The following STC1 variants were observed in gnomAD, a reference collection of about 807,000 sequenced individuals.
STC1 encodes stanniocalcin 1, also known as stanniocalcin-1.
In STC1, 7 loss-of-function variants were observed where a neutral mutation model predicts 22.6. The observed-to-expected ratio is 0.31, with a 90% confidence interval of 0.18 to 0.58. The LOEUF is 0.58. Ranked by LOEUF, STC1 falls within the 20% of genes least tolerant of loss-of-function variation. The pLI is 0.89. For missense variants in STC1, 224 were observed against 311.0 expected (o/e 0.72, Z 2.10); for synonymous variants, 113 against 120.7 (o/e 0.94, Z 0.42).
chr8:23,844,622 G>T lies in STC1; in HGVS notation c.*148C>A. 2.3e-6 allele frequency: 2 copies of T among 867,990 alleles called. No homozygotes were observed. The highest frequency in any genetic ancestry group is 3.5e-6 in the Non-Finnish European group (2 of 579,600). 53.8% of individuals were successfully genotyped at this position (867,990 alleles called of 1,614,324 possible). A position where few individuals can be genotyped will look rare whatever the true frequency, so the allele number is the denominator to read the frequency against. On this transcript the variant is annotated 3_prime_UTR_variant, in exon 4 of 4. Transcript: ENST00000290271. ...GAATGTTGGGATATTGATTACAGAA[G>T]CCTAGTTTCATGCAATTTTCTTTAA...
intron 3 of STC1, among the ~76,000 whole-genome samples, chr8:23,848,621 G>T (rs1001614086): frequency 7.3e-5 from 11 of 151,046 alleles, no homozygotes; most frequent in Middle Eastern, 6.4e-3. Flanking sequence ...AAGACTTGGT[G>T]GACTAAGTGT....
chr8:23,853,850 C>T (rs1331745026), intron 1 of STC1, among the ~76,000 whole-genome samples: 2 of 152,012 alleles, frequency 1.3e-5, no homozygotes, highest in Non-Finnish European at 1.5e-5. Context: ...AGACAGGCAG[C>T]AGGGTTGGGG....
At chr8:23,852,422 T>C (rs1263240360) in intron 1 of STC1, 38 bp from the exon 2 acceptor site, 2 of 1,555,476 alleles carry the variant, frequency 1.3e-6, no homozygotes, top group Non-Finnish European at 1.7e-6. Context: ...GGTCAAACAG[T>C]GAGGAATGGC....
rs575775695 is a variant in STC1 at position 23,854,139 on chromosome 8, T to C, written c.118+267A>G. On this transcript the variant is annotated intron_variant, in intron 1 of 3. Transcript: ENST00000290271. ...TCTCACCCCTCCCCCTCCAAGAGGG[T>C]ACGTGCCAGATTTCAGGCAATCAGG... 7.9e-6 allele frequency: 10 copies of C among 1,271,066 alleles called. No individual in the cohort carries two copies. In the African/African-American group the frequency reaches 1.3e-4, roughly 17 times the overall value. The allele number at this position is 1,271,066 out of a possible 1,614,324, so 78.7% of individuals were successfully genotyped here.
At position 23,844,830 on chromosome 8, in the gene STC1, G is replaced by A. The variant is rs1242340186; in HGVS notation, c.684C>T (p.Asn228=). 1 of 1,614,056 alleles carries A rather than the reference G, an allele frequency of 6.2e-7. No homozygotes were observed. Among genetic ancestry groups the A allele is most frequent in the South Asian group, 1.1e-5 (1 of 91,074 alleles). Residue 228 remains asparagine, a synonymous_variant, in exon 4 of 4, where the codon AAC becomes AAT. Coordinates refer to ENST00000290271, the MANE Select transcript of STC1 (RefSeq NM_003155.3). ...AGGGAGAGTCCTCCTCACCTCGGAG[G>A]TTCCTGAGGAGGACTTTCAGCTTCT... is the stretch of plus-strand genomic sequence containing the variant. The part of the protein sequence containing the change: ...EPQKLKVLLR[N]LRGEEDSPSH...
chr8:23,853,288 A>G (rs1430101484), intron 1 of STC1, among the ~76,000 whole-genome samples: 1 of 152,184 alleles, frequency 6.6e-6, no homozygotes, highest in Non-Finnish European at 1.5e-5. Flanking sequence ...TGGTTCAGTT[A>G]GTCTTCCCCA....
rs769655748 is a variant in STC1 at position 23,845,020 on chromosome 8, C to T, written c.494G>A (p.Arg165Gln). ...GTCTTCATCACATTCCAGCAGGCTTCGGACAAGTCTGTTATAGTATCTGCA... is the reference window on the plus strand; with the variant it reads ...GTCTTCATCACATTCCAGCAGGCTTTGGACAAGTCTGTTATAGTATCTGCA... Reference protein sequence around the residue: ...FSNRYYNRLVRSLLECDEDTV... With the variant: ...FSNRYYNRLVQSLLECDEDTV... The change falls in exon 4 of 4, where the codon CGA becomes CAA. Residue 165 changes from arginine (R) to glutamine (Q), a missense_variant. Coordinates refer to ENST00000290271, the MANE Select transcript of STC1 (RefSeq NM_003155.3). 67 of 1,614,082 alleles carry T rather than the reference C, an allele frequency of 4.2e-5. No homozygotes were observed. Among genetic ancestry groups the T allele is most frequent in the Non-Finnish European group, 5.3e-5 (63 of 1,180,018 alleles).
At position 23,844,832 on chromosome 8, in the gene STC1, T is replaced by G; in HGVS notation, c.682A>C (p.Asn228His). The G allele has an allele frequency of 6.2e-7, 1 of 1,614,060 alleles. No homozygotes were observed. The highest frequency in any genetic ancestry group is 2.2e-5 in the East Asian group (1 of 44,848). The change falls in exon 4 of 4, where the codon AAC (asparagine) becomes CAC (histidine). Residue 228 changes from asparagine (N) to histidine (H), a missense_variant. Transcript: ENST00000290271. ...EPQKLKVLLRNLRGEEDSPSH... is the reference protein window; with the variant it reads ...EPQKLKVLLRHLRGEEDSPSH... Reference sequence around the variant, plus strand: ...GGAGAGTCCTCCTCACCTCGGAGGTTCCTGAGGAGGACTTTCAGCTTCTGC... The same window carrying G: ...GGAGAGTCCTCCTCACCTCGGAGGTGCCTGAGGAGGACTTTCAGCTTCTGC...
intron 1 of STC1, chr8:23,854,093 A>G (rs1283949302): frequency 2.5e-6 from 3 of 1,181,886 alleles, no homozygotes; most frequent in Non-Finnish European, 3.2e-6. Flanking sequence ...AAGCATGCCA[A>G]CATTCAAGCC....
chr8:23,847,138 C>T (rs1348680949), intron 3 of STC1, among the ~76,000 whole-genome samples: 2 of 152,162 alleles, frequency 1.3e-5, no homozygotes, highest in African/African-American at 4.8e-5. Context: ...CAATCTTTCC[C>T]TAGAAAGGGA....
At chr8:23,850,441 C>T (rs1391867930) in intron 3 of STC1, among the ~76,000 whole-genome samples, 11 of 152,126 alleles carry the variant, frequency 7.2e-5, no homozygotes, top group East Asian at 1.9e-4. Context: ...TAAACTTGAC[C>T]GGTCTGCACT....
intron 1 of STC1, among the ~76,000 whole-genome samples, chr8:23,852,728 T>A (rs561860064): frequency 2.4e-4 from 37 of 152,314 alleles, no homozygotes; most frequent in African/African-American, 8.2e-4. Flanking sequence ...CAAAGGTCAT[T>A]GCTTAGCACT....
rs200490221 is a variant in STC1, at chr8:23,851,495, C to T, written c.298G>A (p.Ala100Thr). The change falls in exon 3 of 4, where the codon GCC becomes ACC. Residue 100 changes from alanine (A) to threonine (T), a missense_variant. Ala to Thr is a moderately conservative substitution (Grantham distance 58). Transcript: ENST00000290271. ...AAGACCTTGGAGGTGACCCCGTTGG[C>T]GATGCATTTTAAGCTCTCTTTGACG... ...AFVKESLKCI[A>T]NGVTSKVFLA... 672 of 1,614,052 alleles carry T rather than the reference C, an allele frequency of 4.2e-4. 1 individual carries two copies. Among genetic ancestry groups the T allele is most frequent in the South Asian group, 3.9e-3 (355 of 91,084 alleles).
At chr8:23,847,242 C>CCAGCTTTG (rs574669845) in intron 3 of STC1, among the ~76,000 whole-genome samples, 171 of 152,338 alleles carry the variant, frequency 1.1e-3, no homozygotes, top group African/African-American at 4.0e-3. Context: ...GCTTCTGCAG[C>CCAGCTTTG]CAGCTTTGCA....
At chr8:23,853,468 G>A (rs894314586) in intron 1 of STC1, among the ~76,000 whole-genome samples, 4 of 152,190 alleles carry the variant, frequency 2.6e-5, no homozygotes, top group East Asian at 1.9e-4. Context: ...TAGCAACTAA[G>A]TACAAAAGGA....
chr8:23,852,999 G>T (rs1333897908), intron 1 of STC1, among the ~76,000 whole-genome samples: 2 of 151,586 alleles, frequency 1.3e-5, no homozygotes, highest in African/African-American at 4.9e-5. Flanking sequence ...GTGCTTAGAG[G>T]TATGCATAAT....
rs181785692 is a variant in STC1, at chr8:23,851,293, T to A, written c.473+27A>T. Reference sequence around the variant, plus strand: ...CAGCCACCTGCTCCCAGTCCCCTGATTGTGAAAAAGTAGACTCAGTTTGTA... The same window carrying A: ...CAGCCACCTGCTCCCAGTCCCCTGAATGTGAAAAAGTAGACTCAGTTTGTA... On this transcript the variant is annotated intron_variant, in intron 3 of 3. Transcript: ENST00000290271. 522 of 1,612,364 alleles carry A rather than the reference T, an allele frequency of 3.2e-4. No homozygotes were observed. The African/African-American group carries it at 4.9e-3, about 15-fold the overall frequency.
At chr8:23,845,195 C>G (rs1313927849) in intron 3 of STC1, among the ~76,000 whole-genome samples, 155 bp from the exon 4 acceptor site, 2 of 152,102 alleles carry the variant, frequency 1.3e-5, no homozygotes, top group Non-Finnish European at 2.9e-5. Flanking sequence ...GCTCTCTAAC[C>G]CTTGTGCCAT....
chr8:23,852,056 C>CTGTGTGTG lies in STC1; in HGVS notation c.261+178_261+185dup, dbSNP rs111788542. Among the ~76,000 whole-genome samples, 708 of 147,426 alleles carry CTGTGTGTG rather than the reference C, an allele frequency of 4.8e-3. 7 individuals carry two copies. The highest frequency in any genetic ancestry group is 0.017 in the African/African-American group (684 of 40,348). On this transcript the variant is annotated intron_variant, in intron 2 of 3. Coordinates refer to ENST00000290271, the MANE Select transcript of STC1 (RefSeq NM_003155.3). Reference sequence around the variant, plus strand: ...CTATTTCCTGGCCAGATGAGTGCCTCTGTGTGTGTGTGTGTGTGTGTGTGT... The same window carrying CTGTGTGTG: ...CTATTTCCTGGCCAGATGAGTGCCTCTGTGTGTGTGTGTGTGTGTGTGTGTGTGTGTGT...
Sources: gnomAD v4.1 joint callset for allele counts (sites outside exome capture counted in the v4.1 genomes callset) on GRCh38, gnomAD v4.1.1 for gene constraint, MANE v1.5 for transcripts, NCBI Gene and HGNC (gene_info 2026-07-23, HGNC 2026-07-21) for gene names.